Variants in PCCA observed in about 807,000 individuals in gnomAD.
The protein encoded by PCCA is propionyl-CoA carboxylase subunit alpha.
Under a neutral mutation model 101.3 loss-of-function variants are expected in PCCA, and 74 were observed. The observed-to-expected ratio is 0.73, with a 90% CI of 0.61 to 0.89. The LOEUF is 0.89. PCCA is among the 40% of genes least tolerant of loss of function. The pLI, the probability that PCCA is intolerant of heterozygous loss-of-function variation, is 0.00. For synonymous variants in PCCA, 294 were observed against 313.6 expected (o/e 0.94, Z 0.66); for missense variants, 891 against 907.0 (o/e 0.98, Z 0.23).
chr13:100,102,591 C>T (rs528630275), intron 1 of PCCA, among the ~76,000 whole-genome samples: 1 of 152,296 alleles, frequency 6.6e-6, no homozygotes, highest in South Asian at 2.1e-4. Context: ...TCTGACCCTG[C>T]TCTATCCTTT....
intron 11 of PCCA, among the ~76,000 whole-genome samples, chr13:100,269,288 T>C (rs1021939803): frequency 3.3e-5 from 5 of 152,226 alleles, no homozygotes; most frequent in Admixed American, 2.0e-4. Context: ...GAGAGAATAC[T>C]TGAAAAAGAA....
At chr13:100,336,637 T>C (rs1165032411) in intron 17 of PCCA, among the ~76,000 whole-genome samples, 1 of 152,178 alleles carries the variant, frequency 6.6e-6, no homozygotes, top group Non-Finnish European at 1.5e-5. Flanking sequence ...TCACAAATAC[T>C]TATAGAGCCT....
chr13:100,372,197 T>C (rs924351419), intron 19 of PCCA, among the ~76,000 whole-genome samples: 2 of 151,974 alleles, frequency 1.3e-5, no homozygotes, highest in East Asian at 3.9e-4. Context: ...ATACAAACAT[T>C]AGCTGGGCTT....
intron 16 of PCCA, among the ~76,000 whole-genome samples, chr13:100,311,236 G>A (rs1595260586): frequency 6.7e-6 from 1 of 149,760 alleles, no homozygotes. Flanking sequence ...CCGTCTCAAT[G>A]AAAAAAAAAA....
At chr13:100,151,112 G>A in intron 4 of PCCA, 2 of 1,222,110 alleles carry the variant, frequency 1.6e-6, no homozygotes, top group South Asian at 1.3e-5. Flanking sequence ...TTACCTGATG[G>A]CTGCTGCCAG....
chr13:100,309,702 CTG>C (rs2066752045), intron 15 of PCCA, 129 bp from the exon 16 acceptor site: 3 of 609,786 alleles, frequency 4.9e-6, no homozygotes, highest in Middle Eastern at 4.5e-4. Context: ...GTATTGAAAA[CTG>C]AACTATCATA....
chr13:100,293,083 G>A (rs913851335), intron 12 of PCCA: 3 of 366,464 alleles, frequency 8.2e-6, no homozygotes, highest in Non-Finnish European at 1.7e-5. Context: ...TTCCCAAATA[G>A]AGAGGAATAA....
chr13:100,203,009 AC>A (rs1358710247), intron 6 of PCCA, among the ~76,000 whole-genome samples: 1 of 152,262 alleles, frequency 6.6e-6, no homozygotes, highest in East Asian at 1.9e-4. Flanking sequence ...GCGGTGGCTC[AC>A]GCTTGTAATC....
At chr13:100,134,360 A>G (rs1335581174) in intron 4 of PCCA, among the ~76,000 whole-genome samples, 1 of 152,038 alleles carries the variant, frequency 6.6e-6, no homozygotes, top group Non-Finnish European at 1.5e-5. Context: ...TGCTTCAGCT[A>G]TTCTGGTTCA....
chr13:100,310,492 T>C (rs1270030234), intron 16 of PCCA, among the ~76,000 whole-genome samples: 2 of 152,202 alleles, frequency 1.3e-5, no homozygotes, highest in African/African-American at 4.8e-5. Context: ...TAAGAATATT[T>C]TGTCAAAACT....
intron 20 of PCCA, among the ~76,000 whole-genome samples, chr13:100,435,303 C>T (rs1486417659): frequency 6.6e-6 from 1 of 152,056 alleles, no homozygotes; most frequent in African/African-American, 2.4e-5. Flanking sequence ...GGAGGTGCCC[C>T]ACTCTTTTAA....
chr13:100,341,420 G>A (rs2071294750), intron 18 of PCCA, among the ~76,000 whole-genome samples: 1 of 152,130 alleles, frequency 6.6e-6, no homozygotes, highest in African/African-American at 2.4e-5. Flanking sequence ...CCCCCACATA[G>A]TTGTGCGGTC....
At chr13:100,242,714 G>T (rs1190810812) in intron 8 of PCCA, among the ~76,000 whole-genome samples, 1 of 152,092 alleles carries the variant, frequency 6.6e-6, no homozygotes, top group South Asian at 2.1e-4. Flanking sequence ...CCCATGACTC[G>T]CAATGTTCCC....
chr13:100,469,626 A>C (rs2152953677), intron 21 of PCCA, among the ~76,000 whole-genome samples: 1 of 152,102 alleles, frequency 6.6e-6, no homozygotes, highest in African/African-American at 2.4e-5. Flanking sequence ...AAAATACAGT[A>C]TTAGCTGGGC....
At chr13:100,272,832 T>C (rs1366844486) in intron 11 of PCCA, among the ~76,000 whole-genome samples, 1 of 152,196 alleles carries the variant, frequency 6.6e-6, no homozygotes, top group Non-Finnish European at 1.5e-5. Context: ...ATTGATTGTG[T>C]ATGTTAGATA....
At chr13:100,494,694 T>C (rs963126372) in intron 21 of PCCA, among the ~76,000 whole-genome samples, 13 of 140,590 alleles carry the variant, frequency 9.2e-5, no homozygotes, top group African/African-American at 3.5e-4. Flanking sequence ...AAAAAAAAAT[T>C]TTGTAATTCC....
intron 21 of PCCA, among the ~76,000 whole-genome samples, chr13:100,452,330 G>A (rs2081389883): frequency 6.6e-6 from 1 of 151,898 alleles, no homozygotes; most frequent in Non-Finnish European, 1.5e-5. Context: ...TTTGGAGGAT[G>A]GCAGTAGCTG....
At chr13:100,348,732 CTTTCTTTCTTTCTTTCTTT>C (rs2072671386) in intron 18 of PCCA, among the ~76,000 whole-genome samples, 12 of 100,582 alleles carry the variant, frequency 1.2e-4, no homozygotes, top group African/African-American at 4.4e-4. Flanking sequence ...TTTTTCCTTT[CTTTCTTTCTTTCTTTCTTT>C]CTTTCTTTCT....
At chr13:100,262,513 A>G (rs2062593737) in intron 9 of PCCA, among the ~76,000 whole-genome samples, 1 of 152,204 alleles carries the variant, frequency 6.6e-6, no homozygotes, top group Non-Finnish European at 1.5e-5. Context: ...GTGAGTGGAA[A>G]AGTCACAGGT....
Sources: gnomAD v4.1 joint callset for allele counts (sites outside exome capture counted in the v4.1 genomes callset) on GRCh38, gnomAD v4.1.1 for gene constraint, MANE v1.5 for transcripts, NCBI Gene and HGNC (gene_info 2026-07-23, HGNC 2026-07-21) for gene names.